The following TYW1 variants were observed in gnomAD, a reference collection of about 807,000 sequenced individuals.
TYW1 encodes tRNA-yW synthesizing protein 1 homolog.
Under a neutral mutation model 96.2 loss-of-function variants are expected in TYW1, and 46 were observed. The observed-to-expected ratio is 0.48, with a 90% CI of 0.38 to 0.61. The LOEUF (loss-of-function observed/expected upper bound fraction) is 0.61. Ranked by LOEUF, TYW1 falls within the 20% of genes least tolerant of loss-of-function variation. The probability of loss-of-function intolerance (pLI) is 0.00; values close to 1 mark genes in which losing one functional copy is unlikely to be tolerated. For missense variants in TYW1, 684 were observed against 909.6 expected (o/e 0.75, Z 3.19); for synonymous variants, 274 against 323.0 (o/e 0.85, Z 1.63).
At chr7:67,156,820 A>G (rs1478983653) in intron 13 of TYW1, among the ~76,000 whole-genome samples, 2 of 151,238 alleles carry the variant, frequency 1.3e-5, no homozygotes, top group African/African-American at 4.9e-5. Flanking sequence ...ACCCAGTGTG[A>G]ATTCTCTCTC....
intron 11 of TYW1, among the ~76,000 whole-genome samples, chr7:67,092,545 C>T (rs1320535930): frequency 3.3e-5 from 5 of 152,134 alleles, no homozygotes; most frequent in African/African-American, 1.2e-4. Context: ...CCTCCAGCTA[C>T]ACTCTCCTTT....
chr7:67,128,038 C>A (rs1013746575), intron 13 of TYW1, among the ~76,000 whole-genome samples: 1 of 151,998 alleles, frequency 6.6e-6, no homozygotes, highest in Non-Finnish European at 1.5e-5. Context: ...TGACATTTAT[C>A]CTACTTGGTG....
chr7:67,043,170 G>T (rs1389250042), intron 7 of TYW1, among the ~76,000 whole-genome samples: 3 of 152,180 alleles, frequency 2.0e-5, no homozygotes, highest in Non-Finnish European at 4.4e-5. Context: ...CTGGTAAGTT[G>T]ACAGGCTCAA....
chr7:67,176,912 G>C (rs1334975510), intron 13 of TYW1, among the ~76,000 whole-genome samples: 1 of 152,002 alleles, frequency 6.6e-6, no homozygotes, highest in African/African-American at 2.4e-5. Context: ...CTAGATGTCA[G>C]TAGCAGCCCC....
At chr7:67,118,006 C>T (rs1421653588) in intron 13 of TYW1, among the ~76,000 whole-genome samples, 1 of 152,158 alleles carries the variant, frequency 6.6e-6, no homozygotes, top group Non-Finnish European at 1.5e-5. Context: ...GTACCAAAAT[C>T]CACAGATGCT....
intron 14 of TYW1, among the ~76,000 whole-genome samples, chr7:67,189,902 G>GA (rs1451840011): frequency 6.6e-6 from 1 of 151,700 alleles, no homozygotes; most frequent in East Asian, 1.9e-4. Flanking sequence ...GCTAGCCTGA[G>GA]AATCTTCCTT....
chr7:67,126,117 T>C (rs985032691), intron 13 of TYW1, among the ~76,000 whole-genome samples: 5 of 143,486 alleles, frequency 3.5e-5, no homozygotes, highest in African/African-American at 1.1e-4. Context: ...AAGAGTATTG[T>C]TTAGTTTTTT....
At chr7:67,087,201 T>C (rs981109207) in intron 11 of TYW1, among the ~76,000 whole-genome samples, 3 of 152,218 alleles carry the variant, frequency 2.0e-5, no homozygotes, top group African/African-American at 7.2e-5. Context: ...TTGTTGATTT[T>C]AATAAAATGT....
chr7:67,115,693 A>T (rs188078701), intron 12 of TYW1, among the ~76,000 whole-genome samples: 1,625 of 152,286 alleles, frequency 0.011, 24 homozygotes, highest in African/African-American at 0.038. Flanking sequence ...GGATAAAAAG[A>T]AAAACAGGAT....
chr7:67,143,139 A>G (rs1460311995), intron 13 of TYW1, among the ~76,000 whole-genome samples: 1 of 151,834 alleles, frequency 6.6e-6, no homozygotes, highest in Non-Finnish European at 1.5e-5. Context: ...TATTTTGGAG[A>G]CTTTGTTTAT....
At chr7:67,129,339 A>G (rs1797995008) in intron 13 of TYW1, among the ~76,000 whole-genome samples, 1 of 152,218 alleles carries the variant, frequency 6.6e-6, no homozygotes, top group Non-Finnish European at 1.5e-5. Flanking sequence ...AATCTGGCAG[A>G]GCTCCAGTAG....
chr7:67,121,483 G>C (rs1797759013), intron 13 of TYW1, among the ~76,000 whole-genome samples: 1 of 152,222 alleles, frequency 6.6e-6, no homozygotes, highest in African/African-American at 2.4e-5. Flanking sequence ...GGAGGTTGTA[G>C]TGAGCCGAGA....
chr7:67,189,130 T>G, intron 14 of TYW1, among the ~76,000 whole-genome samples: 1 of 152,204 alleles, frequency 6.6e-6, no homozygotes, highest in Non-Finnish European at 1.5e-5. Flanking sequence ...TGTGTGCAGT[T>G]TCTCTTTTGT....
At chr7:67,183,868 C>A (rs569689708) in intron 14 of TYW1, among the ~76,000 whole-genome samples, 1 of 152,092 alleles carries the variant, frequency 6.6e-6, no homozygotes, top group African/African-American at 2.4e-5. Context: ...TGCTCTGTCA[C>A]CCAGGTTGGA....
chr7:67,197,736 T>C (rs1478440744), intron 15 of TYW1, among the ~76,000 whole-genome samples: 1 of 152,186 alleles, frequency 6.6e-6, no homozygotes, highest in Non-Finnish European at 1.5e-5. Flanking sequence ...GGCATCTGAC[T>C]CCAGAGCCTG....
chr7:67,189,486 C>T (rs1361359171), intron 14 of TYW1, among the ~76,000 whole-genome samples: 3 of 151,716 alleles, frequency 2.0e-5, no homozygotes, highest in Admixed American at 2.0e-4. Context: ...TCCGTGTGTG[C>T]GTGTCAGATC....
chr7:67,120,732 T>TA (rs1797735968), intron 13 of TYW1, among the ~76,000 whole-genome samples: 1 of 152,202 alleles, frequency 6.6e-6, no homozygotes, highest in East Asian at 1.9e-4. Flanking sequence ...CACAATAGCT[T>TA]AATAGTTTAC....
chr7:67,026,815 A>G (rs1472186898), intron 7 of TYW1, among the ~76,000 whole-genome samples: 1 of 152,058 alleles, frequency 6.6e-6, no homozygotes, highest in Non-Finnish European at 1.5e-5. Context: ...AGACCCTTGC[A>G]ACAGAATAAA....
chr7:67,238,419 A>G lies in TYW1; in HGVS notation c.2089A>G (p.Met697Val). ...GSKTFSAKDY[M>V]ARTPHWALFG... is the part of the protein sequence containing the mutation. ...AAAAACGTTCAGCGCAAAGGATTAT[A>G]TGGCCAGAACTCCTCACTGGGCATT... Residue 697 changes from methionine (M) to valine (V), a missense_variant, in exon 16 of 16, where the codon ATG (methionine) becomes GTG (valine). Transcript: ENST00000359626. 6.2e-7 allele frequency: 1 copy of G among 1,613,934 alleles called. No individual in the cohort carries two copies. Among genetic ancestry groups the G allele is most frequent in the Non-Finnish European group, 8.5e-7 (1 of 1,179,870 alleles).
Sources: gnomAD v4.1 joint callset for allele counts (sites outside exome capture counted in the v4.1 genomes callset) on GRCh38, gnomAD v4.1.1 for gene constraint, MANE v1.5 for transcripts, NCBI Gene and HGNC (gene_info 2026-07-23, HGNC 2026-07-21) for gene names.